The following SIDT2 variants were observed in gnomAD, a reference collection of about 807,000 sequenced individuals.
SIDT2 encodes the protein SID1 transmembrane family member 2.
Under a neutral mutation model 114.4 loss-of-function variants are expected in SIDT2, and 68 were observed. That is an observed-to-expected ratio of 0.59 (90% CI 0.49 to 0.73). The LOEUF is 0.73. Among genes scored for constraint, SIDT2 ranks in the 30% least tolerant of loss-of-function variants. The pLI is 0.00. For synonymous variants in SIDT2, 470 were observed against 438.4 expected, an observed-to-expected ratio of 1.07 and a Z score of -0.90; for missense variants, 918 against 1,097.1, an observed-to-expected ratio of 0.84 and a Z score of 2.31.
chr11:117,185,068 G>A (rs1187069016), intron 8 of SIDT2, among the ~76,000 whole-genome samples: 8 of 129,716 alleles, frequency 6.2e-5, no homozygotes, highest in East Asian at 4.6e-4. Flanking sequence ...TTTTTTTTCC[G>A]AGATGGAGTC....
At chr11:117,180,060 C>T (rs1054140640) in intron 1 of SIDT2, among the ~76,000 whole-genome samples, 2 of 152,220 alleles carry the variant, frequency 1.3e-5, no homozygotes, top group African/African-American at 2.4e-5. Context: ...TCTTCACCAG[C>T]TGTGAGTCCC....
At chr11:117,194,137 C>A in intron 24 of SIDT2, 174 bp downstream of exon 24, 2 of 527,386 alleles carry the variant, frequency 3.8e-6, no homozygotes, top group Non-Finnish European at 6.7e-6. Context: ...CCCGTCTCTA[C>A]AAAAAATAAA....
In SIDT2 at chr11:117,179,044, C is replaced by T; in HGVS notation, c.-220C>T. 1 of 580,082 alleles carries T rather than the reference C, an allele frequency of 1.7e-6. No homozygotes were observed. Among genetic ancestry groups the T allele is most frequent in the South Asian group, 2.1e-5 (1 of 47,502 alleles). The allele number at this position is 580,082 out of a possible 1,614,324, so 35.9% of individuals were successfully genotyped here. ...TTCCCGTAGCCAGCATCCCCTCCCT[C>T]CCCGCCCCCTCCCGGCCGCCCCCTC... On this transcript the variant is annotated 5_prime_UTR_variant, in exon 1 of 26. Transcript: ENST00000324225.
At position 117,183,807 on chromosome 11, in the gene SIDT2, A is replaced by G. The variant is rs776327864; in HGVS notation, c.731A>G (p.Tyr244Cys). Residue 244 changes from tyrosine (Y) to cysteine (C), a missense_variant, in exon 7 of 26, where the codon TAT becomes TGT. Transcript: ENST00000324225. ...QRKDFPSNSF[Y>C]VVVVVKTEDQ... is the part of the protein sequence containing the mutation. ...AAAGACTTCCCCAGCAACAGCTTTT[A>G]TGTGGTGGTGGTGGTGAAGACCGAA... is the stretch of plus-strand genomic sequence containing the variant. The G allele has an allele frequency of 6.2e-7, 1 of 1,613,962 alleles. No homozygotes were observed. The highest frequency in any genetic ancestry group is 8.5e-7 in the Non-Finnish European group (1 of 1,179,844).
chr11:117,189,406 G>GAGGGC lies in SIDT2; in HGVS notation c.1419+14_1419+18dup. The GAGGGC allele has an allele frequency of 6.2e-7, 1 of 1,613,786 alleles. No individual in the cohort carries two copies. Among genetic ancestry groups the GAGGGC allele is most frequent in the South Asian group, 1.1e-5 (1 of 91,012 alleles). The stretch of plus-strand genomic sequence containing the variant: ...CTGGTGATCACCTACCAGACGGTGA[G>GAGGGC]AGGGCAGGGCAGGTTCACCTTTCCG... On this transcript the variant is annotated splice_donor_region_variant and intron_variant, in intron 15 of 25. Transcript: ENST00000324225.
intron 24 of SIDT2, among the ~76,000 whole-genome samples, chr11:117,194,839 A>C (rs920056645): frequency 2.0e-5 from 3 of 152,116 alleles, no homozygotes; most frequent in Non-Finnish European, 4.4e-5. Flanking sequence ...CTGTAATCCC[A>C]GCACTTTGGG....
chr11:117,192,100 T>C lies in SIDT2; in HGVS notation c.1872+86T>C, dbSNP rs370695629. 16 of 1,587,190 alleles carry C rather than the reference T, an allele frequency of 1.0e-5. 1 individual carries two copies. The highest frequency in any genetic ancestry group is 1.7e-4 in the Middle Eastern group (1 of 5,950). On this transcript the variant is annotated intron_variant, in intron 19 of 25. Coordinates refer to ENST00000324225, the MANE Select transcript of SIDT2 (RefSeq NM_001040455.2). The surrounding 1 kb of genome is among the most constrained non-coding windows in gnomAD (Gnocchi z 5.9). ...CACGTAGTGCACACCCTCCGCCACCTCCTGCATGAGAGATTCCTGCTCCTT... is the reference window on the plus strand; with the variant it reads ...CACGTAGTGCACACCCTCCGCCACCCCCTGCATGAGAGATTCCTGCTCCTT...
At chr11:117,186,275 G>T (rs897856263) in intron 9 of SIDT2, 52 bp downstream of exon 9, 2 of 1,506,344 alleles carry the variant, frequency 1.3e-6, no homozygotes, top group Non-Finnish European at 1.8e-6. Flanking sequence ...GGGCAGGTGT[G>T]TGGGGCAGAT....
intron 24 of SIDT2, among the ~76,000 whole-genome samples, chr11:117,195,592 A>G (rs542581478): frequency 1.2e-4 from 18 of 152,288 alleles, no homozygotes; most frequent in Non-Finnish European, 2.2e-4. Flanking sequence ...AAAAGGGAAG[A>G]GAAGCCAGTG....
intron 8 of SIDT2, among the ~76,000 whole-genome samples, chr11:117,185,398 C>T (rs1215850875): frequency 6.6e-6 from 1 of 151,940 alleles, no homozygotes; most frequent in Non-Finnish European, 1.5e-5. Context: ...TTATGGAGCA[C>T]CTCCTATATG....
At chr11:117,187,149 C>T (rs749373095) in intron 10 of SIDT2, 19 of 1,203,464 alleles carry the variant, frequency 1.6e-5, no homozygotes, top group Non-Finnish European at 2.2e-5. Context: ...AACTTTCTCT[C>T]TCCTTAGGGA....
Position 117,188,831 on chromosome 11 carries a change from G to A in SIDT2, c.1278+5G>A. 6.2e-7 allele frequency: 1 copy of A among 1,613,286 alleles called. No individual in the cohort carries two copies. The highest frequency in any genetic ancestry group is 8.5e-7 in the Non-Finnish European group (1 of 1,179,216). On this transcript the variant is annotated splice_donor_5th_base_variant and intron_variant, in intron 13 of 25. Transcript: ENST00000324225. This position sits in a 1 kb window ranked among gnomAD's most constrained non-coding sequence, Gnocchi z 4.0. ...AAGAATGTCATTCGCACCAAGGTCT[G>A]ACCCGTGGGCCTGGCCTGGTCAGGC...
chr11:117,189,431 G>C, intron 15 of SIDT2, 30 bp downstream of exon 15: 1 of 1,606,238 alleles, frequency 6.2e-7, no homozygotes, highest in Non-Finnish European at 8.5e-7. Context: ...TCACCTTTCC[G>C]ACAGCCTAGG....
Position 117,187,698 on chromosome 11 carries a change from G to T in SIDT2, c.1158G>T (p.Gln386His). 6.2e-7 allele frequency: 1 copy of T among 1,614,042 alleles called. No homozygotes were observed. Among genetic ancestry groups the T allele is most frequent in the South Asian group, 1.1e-5 (1 of 91,068 alleles). The change falls in exon 12 of 26, where the codon CAG (glutamine) becomes CAT (histidine). Residue 386 changes from glutamine (Q) to histidine (H), a missense_variant and splice_region_variant. Gln to His is a conservative substitution (Grantham distance 24). Transcript: ENST00000324225. Reference protein sequence around the residue: ...AGTGDLSYGYQGRSFEPVGTR... With the variant: ...AGTGDLSYGYHGRSFEPVGTR... ...CTGGGGACCTCTCTTACGGTTACCA[G>T]GGTGAGTGGGCCAGGCTGGGAGGGG...
rs189196849 is a variant in SIDT2, at chr11:117,182,041, G to T, written c.471-19G>T. 0.032 allele frequency: 52,354 copies of T among 1,614,014 alleles called. 1,142 individuals carry two copies. The highest frequency in any genetic ancestry group is 0.088 in the South Asian group (8,050 of 91,060). ...CAGGCTCCGGGGGTGACTGGTGGGG[G>T]CTCTTCTCTGCCCTGCAGGACTGGG... On this transcript the variant is annotated intron_variant, in intron 3 of 25. Coordinates refer to ENST00000324225, the MANE Select transcript of SIDT2 (RefSeq NM_001040455.2).
intron 8 of SIDT2, chr11:117,185,893 A>AAAGTG: frequency 5.4e-6 from 1 of 184,910 alleles, no homozygotes; most frequent in Middle Eastern, 2.2e-3. Context: ...AAAAAAAAAA[A>AAAGTG]AAGTAGAAGA....
chr11:117,180,291 C>A (rs149503333), intron 1 of SIDT2, among the ~76,000 whole-genome samples: 50 of 152,228 alleles, frequency 3.3e-4, no homozygotes, highest in African/African-American at 1.2e-3. Flanking sequence ...GGATCTGCCC[C>A]CAGTGCCTGG....
At position 117,190,403 on chromosome 11, in the gene SIDT2, C is replaced by T. The variant is rs2030655141; in HGVS notation, c.1617+114C>T. On this transcript the variant is annotated intron_variant, in intron 17 of 25. Transcript: ENST00000324225. The surrounding 1 kb of genome is among the most constrained non-coding windows in gnomAD (Gnocchi z 4.1). ...GCCCTGCCTTCCCCAGCTCTCCCCT[C>T]CCCAGTTCTGTCTGGCCCACCCTAT... The T allele has an allele frequency of 2.1e-5, 31 of 1,467,616 alleles. No homozygotes were observed. The highest frequency in any genetic ancestry group is 2.8e-5 in the Non-Finnish European group (31 of 1,105,266). The allele number at this position is 1,467,616 out of a possible 1,614,324, so 90.9% of individuals were successfully genotyped here. A position where few individuals can be genotyped will look rare whatever the true frequency, so the allele number is the denominator to read the frequency against.
intron 12 of SIDT2, 178 bp downstream of exon 12, chr11:117,187,877 C>T (rs1208850357): frequency 1.4e-6 from 1 of 721,638 alleles, no homozygotes; most frequent in Non-Finnish European, 2.5e-6. Context: ...TGGTAACTTT[C>T]CCTTTCCTTT....
Sources: gnomAD v4.1 joint callset for allele counts (sites outside exome capture counted in the v4.1 genomes callset) on GRCh38, gnomAD v4.1.1 for gene constraint, Gnocchi (gnomAD v3.1) non-coding constraint, MANE v1.5 for transcripts, NCBI Gene and HGNC (gene_info 2026-07-23, HGNC 2026-07-21) for gene names.